The following TXNRD2 variants were observed in gnomAD, a reference collection of about 807,000 sequenced individuals.
TXNRD2 encodes thioredoxin reductase 2.
Under a neutral mutation model 70.8 loss-of-function variants are expected in TXNRD2, and 67 were observed. That is an observed-to-expected ratio of 0.95 (90% CI 0.78 to 1.16). The LOEUF is 1.16. TXNRD2 is among the 50% of genes most tolerant of loss of function. The pLI is 0.00. For synonymous variants in TXNRD2, 301 were observed against 295.8 expected, an observed-to-expected ratio of 1.02 and a Z score of -0.18; for missense variants, 644 against 719.9, an observed-to-expected ratio of 0.89 and a Z score of 1.21.
At chr22:19,889,621 A>G (rs999195945) in intron 11 of TXNRD2, among the ~76,000 whole-genome samples, 2 of 140,632 alleles carry the variant, frequency 1.4e-5, no homozygotes, top group Admixed American at 1.4e-4. Context: ...AAAACAAACA[A>G]AAAACAATTA....
At position 19,931,125 on chromosome 22, in the gene TXNRD2, G is replaced by A. The variant is rs753621393; in HGVS notation, c.104-27C>T. On this transcript the variant is annotated intron_variant, in intron 1 of 17. Coordinates refer to ENST00000400521, the MANE Select transcript of TXNRD2 (RefSeq NM_006440.5). The stretch of plus-strand genomic sequence containing the variant: ...TGAGAGAAGGGATGAGAGGTGGGAC[G>A]GACTGTCTGTCTGGTTAAACGTGGT... 21 of 1,607,228 alleles carry A rather than the reference G, an allele frequency of 1.3e-5. No individual in the cohort carries two copies. The Admixed American group carries it at 1.8e-4, about 14-fold the overall frequency.
chr22:19,912,396 C>T (rs1364876862), intron 7 of TXNRD2, among the ~76,000 whole-genome samples: 1 of 151,966 alleles, frequency 6.6e-6, no homozygotes, highest in Non-Finnish European at 1.5e-5. Flanking sequence ...CTGCCTGCCT[C>T]CTAAGGACCA....
chr22:19,880,052 A>C (rs1254440422), intron 14 of TXNRD2, 127 bp downstream of exon 14: 2 of 990,940 alleles, frequency 2.0e-6, no homozygotes, highest in Non-Finnish European at 1.5e-6. Context: ...CCCGCTACAC[A>C]CAGCCACTGC....
chr22:19,932,798 G>A (rs1368084686), intron 1 of TXNRD2, among the ~76,000 whole-genome samples: 2 of 151,996 alleles, frequency 1.3e-5, no homozygotes, highest in African/African-American at 2.4e-5. Flanking sequence ...ATCAGAGCAG[G>A]GTCTGTCATA....
rs530298845 is a variant in TXNRD2 at position 19,881,002 on chromosome 22, C to A, written c.1087-285G>T. 39 of 575,972 alleles carry A rather than the reference C, an allele frequency of 6.8e-5. 1 individual carries two copies. In the East Asian group the frequency reaches 1.1e-3, roughly 16 times the overall value. 35.7% of individuals were successfully genotyped at this position (575,972 alleles called of 1,614,324 possible). A position where few individuals can be genotyped will look rare whatever the true frequency, so the allele number is the denominator to read the frequency against. On this transcript the variant is annotated intron_variant, in intron 12 of 17. Transcript: ENST00000400521. ...GCCGTGCCACCCTCACATGCTCAAGCCTTCTCTCCAAACCCCTTCTGCACA... is the reference window on the plus strand; with the variant it reads ...GCCGTGCCACCCTCACATGCTCAAGACTTCTCTCCAAACCCCTTCTGCACA...
At chr22:19,890,151 T>G (rs895498463) in intron 11 of TXNRD2, among the ~76,000 whole-genome samples, 1 of 152,182 alleles carries the variant, frequency 6.6e-6, no homozygotes, top group Non-Finnish European at 1.5e-5. Context: ...AGCACCACCA[T>G]GAGCTAGGGC....
chr22:19,889,260 G>A (rs1475709018), intron 11 of TXNRD2, among the ~76,000 whole-genome samples: 1 of 152,216 alleles, frequency 6.6e-6, no homozygotes, highest in African/African-American at 2.4e-5. Flanking sequence ...CCCCAGCTCA[G>A]GCCCAGAGGA....
At chr22:19,895,066 A>G in intron 11 of TXNRD2, 17 of 1,590,782 alleles carry the variant, frequency 1.1e-5, no homozygotes, top group Non-Finnish European at 1.4e-5. Context: ...GCAATTGCTC[A>G]AGGGCCAGGG....
At chr22:19,915,633 A>G in intron 6 of TXNRD2, 132 bp downstream of exon 6, 1 of 854,998 alleles carries the variant, frequency 1.2e-6, no homozygotes, top group Non-Finnish European at 2.0e-6. Flanking sequence ...CCCAGCCTCA[A>G]AAGAAGCCAC....
chr22:19,906,627 T>TAAA (rs144233043), intron 8 of TXNRD2, among the ~76,000 whole-genome samples: 5,254 of 151,878 alleles, frequency 0.035, 132 homozygotes, highest in South Asian at 0.087. Flanking sequence ...GTCTCAAAGA[T>TAAA]AAAAAAACAG....
At chr22:19,902,313 C>T (rs958779792) in intron 8 of TXNRD2, among the ~76,000 whole-genome samples, 2 of 152,258 alleles carry the variant, frequency 1.3e-5, no homozygotes, top group African/African-American at 4.8e-5. Context: ...AGCCTAATCA[C>T]AGGGCAGGCT....
At chr22:19,935,581 T>C (rs1484603648) in intron 1 of TXNRD2, among the ~76,000 whole-genome samples, 1 of 152,174 alleles carries the variant, frequency 6.6e-6, no homozygotes, top group Non-Finnish European at 1.5e-5. Flanking sequence ...CCTCCCCTTT[T>C]AAAATCCTTA....
chr22:19,903,385 A>G (rs546563760), intron 8 of TXNRD2, among the ~76,000 whole-genome samples: 31 of 152,372 alleles, frequency 2.0e-4, no homozygotes, highest in African/African-American at 7.5e-4. Context: ...GCGGACCTAC[A>G]GACACAGCAA....
At chr22:19,916,079 G>A in intron 5 of TXNRD2, 1 of 512,590 alleles carries the variant, frequency 2.0e-6, no homozygotes, top group Non-Finnish European at 3.5e-6. Context: ...TGTCAAAGCA[G>A]GGACGGAAGC....
chr22:19,935,599 C>T (rs191624496), intron 1 of TXNRD2, among the ~76,000 whole-genome samples: 13 of 152,268 alleles, frequency 8.5e-5, no homozygotes, highest in African/African-American at 3.1e-4. Flanking sequence ...TTAATAAAAA[C>T]TTGCTGGTTT....
At chr22:19,937,673 T>C (rs140482384) in intron 1 of TXNRD2, among the ~76,000 whole-genome samples, 10 of 152,280 alleles carry the variant, frequency 6.6e-5, no homozygotes, top group African/African-American at 7.2e-5. Context: ...CCTGCTATAA[T>C]TGTGGCCAAC....
chr22:19,886,852 G>C (rs1302611446), intron 11 of TXNRD2, among the ~76,000 whole-genome samples: 2 of 152,190 alleles, frequency 1.3e-5, no homozygotes, highest in Non-Finnish European at 2.9e-5. Context: ...CACTCTCAAG[G>C]CTCTGCTTCC....
intron 12 of TXNRD2, among the ~76,000 whole-genome samples, chr22:19,882,976 T>TG (rs954273190): frequency 1.3e-5 from 2 of 152,228 alleles, no homozygotes; most frequent in Non-Finnish European, 2.9e-5. Flanking sequence ...CCCAAGGCCA[T>TG]GGTGGCATTT....
intron 17 of TXNRD2, chr22:19,876,681 C>G (rs1195838232): frequency 6.4e-6 from 1 of 156,686 alleles, no homozygotes; most frequent in Non-Finnish European, 1.4e-5. Flanking sequence ...AGCTTCCCGA[C>G]TGCAGCCCCC....
Sources: allele counts gnomAD v4.1 joint callset (sites outside exome capture counted in the v4.1 genomes callset), GRCh38; gene constraint gnomAD v4.1.1; transcripts MANE v1.5; gene names NCBI Gene and HGNC (gene_info 2026-07-23, HGNC 2026-07-21).